NCOR1: variants seen among roughly 807,000 people sequenced by gnomAD.
The protein encoded by NCOR1 is protein phosphatase 1, regulatory subunit 109.
NCOR1 carries 63 observed loss-of-function variants against 288.1 expected under a neutral mutation model. The ratio of observed to expected loss-of-function variants is 0.22; its 90% confidence interval spans 0.18 to 0.27. The LOEUF (loss-of-function observed/expected upper bound fraction) is 0.27. NCOR1 is among the 10% of genes least tolerant of loss of function. The probability of loss-of-function intolerance (pLI) is 1.00; values close to 1 mark genes in which losing one functional copy is unlikely to be tolerated. For missense variants in NCOR1, 2,397 were observed against 3,019.2 expected, an observed-to-expected ratio of 0.79 and a Z score of 4.83; for synonymous variants, 1,007 against 1,065.9, an observed-to-expected ratio of 0.94 and a Z score of 1.08.
chr17:16,195,964 T>C (rs1364440427), intron 1 of NCOR1, among the ~76,000 whole-genome samples: 2 of 151,824 alleles, frequency 1.3e-5, no homozygotes, highest in Middle Eastern at 3.4e-3. Flanking sequence ...CCATAATATA[T>C]AATTTCTATC....
rs1230232591 is a variant in NCOR1, at chr17:16,079,995, C to T, written c.3470G>A (p.Ser1157Asn). Reference sequence around the variant, plus strand: ...GATAGAGCCCCGTAGGGATGGAATGCTCTCCACTGAAATTTTGCTGGTTGG... The same window carrying T: ...GATAGAGCCCCGTAGGGATGGAATGTTCTCCACTGAAATTTTGCTGGTTGG... ...GTPTSKISVE[S>N]IPSLRGSITQ... Residue 1157 changes from serine (S) to asparagine (N), a missense_variant, in exon 26 of 46, where the codon AGC (serine) becomes AAC (asparagine). Transcript: ENST00000268712. 2 of 1,613,942 alleles carry T rather than the reference C, an allele frequency of 1.2e-6. No homozygotes were observed. Among genetic ancestry groups the T allele is most frequent in the East Asian group, 4.5e-5 (2 of 44,886 alleles).
At chr17:16,214,277 G>T (rs771236777) in intron 1 of NCOR1, among the ~76,000 whole-genome samples, 48 of 152,174 alleles carry the variant, frequency 3.2e-4, no homozygotes, top group Non-Finnish European at 6.6e-4. Context: ...CAACTCTTCA[G>T]TTATCCACAG....
intron 1 of NCOR1, among the ~76,000 whole-genome samples, chr17:16,213,059 A>T (rs1050203666): frequency 0.017 from 589 of 34,590 alleles, 6 homozygotes; most frequent in African/African-American, 0.05. Flanking sequence ...CCTGTCTCCA[A>T]AAAAAAAAAA....
rs796414520 is a variant in NCOR1, at chr17:16,111,071, G to A, written c.2056-2159C>T. ...CAGGTGTGACCTACCATGCCCAGCA[G>A]ATAAATTATTATATGGATTTTTCCA... On this transcript the variant is annotated intron_variant, in intron 18 of 45. Transcript: ENST00000268712. Among the ~76,000 whole-genome samples the A allele has an allele frequency of 1.4e-4, 22 of 152,308 alleles. 1 individual carries two copies. Among genetic ancestry groups the A allele is most frequent in the African/African-American group, 5.1e-4 (21 of 41,558 alleles).
Position 16,065,458 on chromosome 17 carries a change from C to A in NCOR1, c.4951+27G>T, listed in dbSNP as rs753037248. On this transcript the variant is annotated intron_variant, in intron 33 of 45. Coordinates refer to ENST00000268712, the MANE Select transcript of NCOR1 (RefSeq NM_006311.4). ...CACTAGGTAAACATAATAAATTCTA[C>A]GAAATCTGAAATGCAAAGACACACA... 5 of 1,609,760 alleles carry A rather than the reference C, an allele frequency of 3.1e-6. No individual in the cohort carries two copies. The South Asian group carries it at 4.4e-5, about 14-fold the overall frequency.
rs561901264 is a variant in NCOR1 at position 16,141,756 on chromosome 17, G to A, written c.1173+1850C>T. On this transcript the variant is annotated intron_variant, in intron 11 of 45. Transcript: ENST00000268712. ...TACCATTGTATTCCCAATGCTTAAA[G>A]GAAAGTTTGGCACATAATAGGCTAT... Among the ~76,000 whole-genome samples the A allele has an allele frequency of 2.8e-4, 42 of 152,256 alleles. No homozygotes were observed. The South Asian group carries it at 8.5e-3, about 31-fold the overall frequency.
intron 19 of NCOR1, 27 bp from the exon 20 acceptor site, chr17:16,101,784 G>A (rs2153001151): frequency 6.2e-7 from 1 of 1,613,256 alleles, no homozygotes; most frequent in Non-Finnish European, 8.5e-7. Context: ...AGCACTTTCT[G>A]TATCAGAACT....
chr17:16,040,578 AATTAATCTTTTT>A, intron 42 of NCOR1, 84 bp from the exon 43 acceptor site: 1 of 1,133,426 alleles, frequency 8.8e-7, no homozygotes, highest in Non-Finnish European at 1.3e-6. Context: ...CCTATAATAA[AATTAATCTTTTT>A]ATTTTTCATG....
At position 16,127,366 on chromosome 17, in the gene NCOR1, CATGTATGTATAT is replaced by C. The variant is rs1292126045; in HGVS notation, c.1510-1172_1510-1161del. Among the ~76,000 whole-genome samples the C allele has an allele frequency of 1.5e-4, 19 of 125,018 alleles. 4 individuals are homozygous for C. In the East Asian group the frequency reaches 4.1e-3, roughly 27 times the overall value. The allele number at this position is 125,018 out of a possible 152,430, so 82.0% of individuals were successfully genotyped here. On this transcript the variant is annotated intron_variant, in intron 14 of 45. Coordinates refer to ENST00000268712, the MANE Select transcript of NCOR1 (RefSeq NM_006311.4). ...GTATGTATATATGTATGTATATATA[CATGTATGTATAT>C]ATGTATGTATATATACATGTGTATA...
chr17:16,097,971 C>T lies in NCOR1; in HGVS notation c.2820+396G>A, dbSNP rs145813603. 1.1e-3 allele frequency among the ~76,000 whole-genome samples: 166 copies of T among 152,186 alleles called. 1 individual carries two copies. The highest frequency in any genetic ancestry group is 3.5e-3 in the African/African-American group (147 of 41,526). ...TTGGTGACCAAAGAGGTGGAGAATT[C>T]GTTGGTGTGAGGAAAAAGCCCATAC... On this transcript the variant is annotated intron_variant, in intron 21 of 45. Coordinates refer to ENST00000268712, the MANE Select transcript of NCOR1 (RefSeq NM_006311.4).
At chr17:16,169,705 T>C (rs556902352) in intron 4 of NCOR1, among the ~76,000 whole-genome samples, 10 of 152,336 alleles carry the variant, frequency 6.6e-5, no homozygotes, top group Admixed American at 6.5e-4. Context: ...TGGGTCACAC[T>C]ACAACACAAC....
intron 2 of NCOR1, among the ~76,000 whole-genome samples, chr17:16,193,090 A>G (rs1378067634): frequency 1.3e-5 from 2 of 152,104 alleles, no homozygotes; most frequent in Admixed American, 6.6e-5. Flanking sequence ...AACGTCCTAG[A>G]GTGTTAGAAA....
intron 14 of NCOR1, among the ~76,000 whole-genome samples, chr17:16,133,617 T>C (rs898688337): frequency 1.3e-5 from 2 of 152,254 alleles, no homozygotes; most frequent in Admixed American, 6.5e-5. Context: ...CTTTTTTCTA[T>C]ATAGCAAATT....
intron 19 of NCOR1, among the ~76,000 whole-genome samples, chr17:16,107,285 C>T (rs757430962): frequency 9.9e-5 from 15 of 152,046 alleles, no homozygotes; most frequent in African/African-American, 3.4e-4. Flanking sequence ...GCCCTACCCC[C>T]CAATGTAACT....
intron 1 of NCOR1, among the ~76,000 whole-genome samples, chr17:16,212,000 G>A (rs1046968828): frequency 3.9e-5 from 6 of 152,048 alleles, no homozygotes; most frequent in African/African-American, 1.4e-4. Context: ...CTATAGGGCC[G>A]GGCACAGTGG....
chr17:16,166,475 T>A (rs1206240237), intron 4 of NCOR1, among the ~76,000 whole-genome samples: 1 of 152,074 alleles, frequency 6.6e-6, no homozygotes, highest in Non-Finnish European at 1.5e-5. Context: ...GGTCAGGAGT[T>A]CCAGACCAGC....
intron 42 of NCOR1, chr17:16,044,906 CAAAG>C (rs1218351912): frequency 1.5e-6 from 1 of 680,636 alleles, no homozygotes; most frequent in Admixed American, 2.1e-5. Flanking sequence ...TGGAAGCAAA[CAAAG>C]AAGAATCTGA....
At chr17:16,052,104 G>T (rs1222894876) in intron 40 of NCOR1, among the ~76,000 whole-genome samples, 1 of 151,666 alleles carries the variant, frequency 6.6e-6, no homozygotes, top group Non-Finnish European at 1.5e-5. Context: ...CGCCTCCCGG[G>T]TTCACGCCAT....
At chr17:16,214,320 T>G (rs2092379526) in intron 1 of NCOR1, among the ~76,000 whole-genome samples, 1 of 152,218 alleles carries the variant, frequency 6.6e-6, no homozygotes, top group Admixed American at 6.6e-5. Context: ...TCAGCAGCTA[T>G]TGATCAAGAT....
Sources: gnomAD v4.1 joint callset for allele counts (sites outside exome capture counted in the v4.1 genomes callset) on GRCh38, gnomAD v4.1.1 for gene constraint, MANE v1.5 for transcripts, NCBI Gene and HGNC (gene_info 2026-07-23, HGNC 2026-07-21) for gene names.